KCNB2: variants seen among roughly 807,000 people sequenced by gnomAD.
KCNB2 encodes the protein delayed rectifier potassium channel protein.
In KCNB2, 15 loss-of-function variants were observed where a neutral mutation model predicts 61.5. That is an observed-to-expected ratio of 0.24 (90% CI 0.16 to 0.38). The LOEUF (loss-of-function observed/expected upper bound fraction) is 0.38, where lower values mean the gene tolerates loss of function less well. Ranked by LOEUF, KCNB2 falls within the 10% of genes least tolerant of loss-of-function variation. The pLI is 1.00. For missense variants in KCNB2, 828 were observed against 1,125.2 expected, an observed-to-expected ratio of 0.74 and a Z score of 3.78; for synonymous variants, 457 against 446.0, an observed-to-expected ratio of 1.02 and a Z score of -0.31.
At chr8:72,750,395 A>C (rs1354365465) in intron 2 of KCNB2, 1 of 152,090 alleles carries the variant, frequency 6.6e-6, no homozygotes, top group Non-Finnish European at 1.5e-5. Context: ...GGTTATGCTT[A>C]TTATGCTCAC....
intron 2 of KCNB2, among the ~76,000 whole-genome samples, chr8:72,841,372 C>CTTT (rs769263287): frequency 0.049 from 1,671 of 33,842 alleles, 35 homozygotes; most frequent in African/African-American, 0.12. Context: ...TTTTTTTTTT[C>CTTT]TTTTTTTTTT....
chr8:72,937,566 G>A lies in KCNB2; in HGVS notation c.2211G>A (p.Leu737=), dbSNP rs1440540207. The change falls in exon 3 of 3, where the codon CTG becomes CTA. Residue 737 remains leucine, a synonymous_variant. Coordinates refer to ENST00000523207, the MANE Select transcript of KCNB2 (RefSeq NM_004770.3). ...CCCCGCCCAGCACAGCCAGGCCACT[G>A]CCAGTCACCACAGCTGACTTTTCGC... is the stretch of plus-strand genomic sequence containing the variant. ...PQTPPSTARP[L]PVTTADFSLT... 9.3e-6 allele frequency: 15 copies of A among 1,613,834 alleles called. No homozygotes were observed. The Admixed American group carries it at 2.3e-4, about 25-fold the overall frequency.
intron 2 of KCNB2, among the ~76,000 whole-genome samples, chr8:72,895,319 G>A (rs1805973435): frequency 6.6e-6 from 1 of 152,170 alleles, no homozygotes; most frequent in Non-Finnish European, 1.5e-5. Flanking sequence ...GGGAGAGAGA[G>A]TCAGCAGACA....
At chr8:72,592,850 C>A (rs1242400487) in intron 2 of KCNB2, among the ~76,000 whole-genome samples, 2 of 152,038 alleles carry the variant, frequency 1.3e-5, no homozygotes, top group African/African-American at 2.4e-5. Flanking sequence ...ATAACCTAAC[C>A]TAATGTAACA....
intron 2 of KCNB2, among the ~76,000 whole-genome samples, chr8:72,888,154 G>A (rs1369737143): frequency 1.3e-5 from 2 of 152,190 alleles, no homozygotes; most frequent in African/African-American, 2.4e-5. Context: ...CCAGGCTGGA[G>A]TGCAGTGGTG....
rs1563572133 is a variant in KCNB2, at chr8:72,725,612, T to TATATAC, written c.579+157304_579+157305insCATATA. Among the ~76,000 whole-genome samples, 21 of 142,972 alleles carry TATATAC rather than the reference T, an allele frequency of 1.5e-4. No individual in the cohort carries two copies. The South Asian group carries it at 3.1e-3, about 21-fold the overall frequency. 93.8% of individuals were successfully genotyped at this position (142,972 alleles called of 152,430 possible). On this transcript the variant is annotated intron_variant, in intron 2 of 2. Transcript: ENST00000523207. ...GTATGTATATATATATATATATATA[T>TATATAC]ATATATATATGCATTCTTCTGAAAT...
Position 72,567,702 on chromosome 8 carries a change from G to A in KCNB2, c.-33G>A, listed in dbSNP as rs778119906. ...TGCTTCAGTTGACCTCATTTTTTAA[G>A]GACCCTGGCTCTGCGGCTTTGTCCA... On this transcript the variant is annotated 5_prime_UTR_variant, in exon 2 of 3. Transcript: ENST00000523207. 1 of 1,444,120 alleles carries A rather than the reference G, an allele frequency of 6.9e-7. No individual in the cohort carries two copies. Among genetic ancestry groups the A allele is most frequent in the East Asian group, 2.3e-5 (1 of 43,180 alleles). The allele number at this position is 1,444,120 out of a possible 1,614,324, so 89.5% of individuals were successfully genotyped here. A position where few individuals can be genotyped will look rare whatever the true frequency, so the allele number is the denominator to read the frequency against.
chr8:72,771,223 C>T (rs1467527099), intron 2 of KCNB2, among the ~76,000 whole-genome samples: 1 of 152,190 alleles, frequency 6.6e-6, no homozygotes, highest in Non-Finnish European at 1.5e-5. Flanking sequence ...ATGTAATTAA[C>T]CTTTTCAACA....
intron 2 of KCNB2, among the ~76,000 whole-genome samples, chr8:72,848,929 A>T (rs968255407): frequency 1.1e-4 from 17 of 151,778 alleles, no homozygotes; most frequent in African/African-American, 3.9e-4. Context: ...AAATGAAATT[A>T]AAAATTTAAC....
intron 2 of KCNB2, among the ~76,000 whole-genome samples, chr8:72,583,558 G>A (rs2128980683): frequency 6.6e-6 from 1 of 152,192 alleles, no homozygotes; most frequent in Non-Finnish European, 1.5e-5. Flanking sequence ...AACCTGTAGG[G>A]CTGTGTAGCC....
chr8:72,894,033 C>A (rs531660830), intron 2 of KCNB2, among the ~76,000 whole-genome samples: 64 of 152,252 alleles, frequency 4.2e-4, no homozygotes, highest in Admixed American at 1.9e-3. Context: ...TCTTTTGGAG[C>A]AAATTACCTA....
chr8:72,747,904 C>A (rs956557416), intron 2 of KCNB2, among the ~76,000 whole-genome samples: 3 of 152,080 alleles, frequency 2.0e-5, no homozygotes, highest in Non-Finnish European at 4.4e-5. Flanking sequence ...ATGTTGACAC[C>A]TTTTTATCCA....
chr8:72,885,971 C>T (rs993640121), intron 2 of KCNB2, among the ~76,000 whole-genome samples: 2 of 152,122 alleles, frequency 1.3e-5, no homozygotes, highest in African/African-American at 4.8e-5. Flanking sequence ...CCCCATCCCT[C>T]AACCCCAGGA....
At chr8:72,699,647 G>A (rs751238956) in intron 2 of KCNB2, among the ~76,000 whole-genome samples, 1 of 152,156 alleles carries the variant, frequency 6.6e-6, no homozygotes, top group Non-Finnish European at 1.5e-5. Flanking sequence ...TGCTTTTGGT[G>A]TTTTCATCAT....
chr8:72,736,654 C>T (rs949154918), intron 2 of KCNB2, among the ~76,000 whole-genome samples: 1 of 152,124 alleles, frequency 6.6e-6, no homozygotes, highest in Admixed American at 6.6e-5. Flanking sequence ...AGCACCCCCG[C>T]TTCAGTCTCT....
At chr8:72,669,761 A>G (rs1806532915) in intron 2 of KCNB2, among the ~76,000 whole-genome samples, 1 of 152,216 alleles carries the variant, frequency 6.6e-6, no homozygotes, top group Non-Finnish European at 1.5e-5. Flanking sequence ...TCAAGGATCT[A>G]GAGAATTAAG....
At chr8:72,930,070 A>G (rs1476584123) in intron 2 of KCNB2, among the ~76,000 whole-genome samples, 1 of 151,388 alleles carries the variant, frequency 6.6e-6, no homozygotes, top group Non-Finnish European at 1.5e-5. Context: ...TGTCCTTACA[A>G]TAGTTTGCTG....
chr8:72,666,064 AT>A (rs761256071), intron 2 of KCNB2, among the ~76,000 whole-genome samples: 7 of 151,660 alleles, frequency 4.6e-5, no homozygotes, highest in African/African-American at 7.3e-5. Context: ...CCATGTGTCT[AT>A]TTTTTTTTAA....
chr8:72,584,475 G>A (rs1262393371), intron 2 of KCNB2, among the ~76,000 whole-genome samples: 1 of 151,498 alleles, frequency 6.6e-6, no homozygotes, highest in African/African-American at 2.4e-5. Flanking sequence ...ATGGAACAGA[G>A]AAAAAAACTA....
Sources: allele counts gnomAD v4.1 joint callset (sites outside exome capture counted in the v4.1 genomes callset), GRCh38; gene constraint gnomAD v4.1.1; transcripts MANE v1.5; gene names NCBI Gene and HGNC (gene_info 2026-07-23, HGNC 2026-07-21).